The following LRRC1 variants were observed in gnomAD, a reference collection of about 807,000 sequenced individuals.
LRRC1 encodes the protein leucine rich repeat containing 1.
Under a neutral mutation model 69.9 loss-of-function variants are expected in LRRC1, and 28 were observed. The observed-to-expected ratio is 0.40, with a 90% CI of 0.30 to 0.55. The LOEUF is 0.55. Among genes scored for constraint, LRRC1 ranks in the 20% least tolerant of loss-of-function variants. The pLI is 0.47. For synonymous variants in LRRC1, 236 were observed against 240.2 expected, an observed-to-expected ratio of 0.98 and a Z score of 0.16; for missense variants, 498 against 609.0, an observed-to-expected ratio of 0.82 and a Z score of 1.92.
intron 1 of LRRC1, among the ~76,000 whole-genome samples, chr6:53,804,588 G>A (rs1351205619): frequency 2.0e-5 from 3 of 152,274 alleles, no homozygotes; most frequent in South Asian, 2.1e-4. Flanking sequence ...GCATTACTGC[G>A]AGTGCTATAG....
chr6:53,862,658 C>T (rs149913364), intron 2 of LRRC1, among the ~76,000 whole-genome samples: 1 of 152,270 alleles, frequency 6.6e-6, no homozygotes, highest in Non-Finnish European at 1.5e-5. Flanking sequence ...TCTTTCCTGC[C>T]TCCCCTTCTG....
intron 1 of LRRC1, among the ~76,000 whole-genome samples, chr6:53,832,103 G>C (rs1765443936): frequency 6.6e-6 from 1 of 152,082 alleles, no homozygotes; most frequent in Non-Finnish European, 1.5e-5. Flanking sequence ...ATGCCTCATA[G>C]GAATCTTTGA....
chr6:53,805,084 G>A (rs1764599620), intron 1 of LRRC1, among the ~76,000 whole-genome samples: 1 of 151,954 alleles, frequency 6.6e-6, no homozygotes. Context: ...TTTTCCGTAG[G>A]TCTGGAAAAG....
At position 53,882,898 on chromosome 6, in the gene LRRC1, G is replaced by T; in HGVS notation, c.368G>T (p.Ser123Ile). The T allele has an allele frequency of 6.2e-7, 1 of 1,606,850 alleles. No individual in the cohort carries two copies. ...TTGTTTGATTTTAGGTTGCCAGAAA[G>T]CTTTCCTGAATTACAGAATTTAACA... is the stretch of plus-strand genomic sequence containing the variant. Reference protein sequence around the residue: ...SGNPLTRLPESFPELQNLTCL... With the variant: ...SGNPLTRLPEIFPELQNLTCL... Residue 123 changes from serine (S) to isoleucine (I), a missense_variant, in exon 4 of 14, where the codon AGC becomes ATC. This residue lies in a region of LRRC1 where 266 missense variants were observed against 383.9 expected (regional missense o/e 0.69). Transcript: ENST00000370888.
chr6:53,920,616 T>G lies in LRRC1; in HGVS notation c.1280-9T>G. ...CAATTCCCTGCTTATGTGGTCTTTG[T>G]CACTGCAGAGAATCTGCCTCGCTGT... On this transcript the variant is annotated splice_polypyrimidine_tract_variant and intron_variant, in intron 12 of 13. Coordinates refer to ENST00000370888, the MANE Select transcript of LRRC1 (RefSeq NM_018214.5). The G allele has an allele frequency of 6.2e-7, 1 of 1,614,156 alleles. No individual in the cohort carries two copies. Among genetic ancestry groups the G allele is most frequent in the South Asian group, 1.1e-5 (1 of 91,082 alleles).
At chr6:53,897,007 G>C (rs1581907733) in intron 6 of LRRC1, 115 bp downstream of exon 6, 3 of 715,724 alleles carry the variant, frequency 4.2e-6, no homozygotes, top group East Asian at 2.6e-5. Context: ...ATGTAACTTG[G>C]GGACACTAGA....
At chr6:53,867,866 A>G (rs919486429) in intron 2 of LRRC1, among the ~76,000 whole-genome samples, 6 of 150,976 alleles carry the variant, frequency 4.0e-5, no homozygotes, top group African/African-American at 1.2e-4. Context: ...AGGTGGGAGG[A>G]TTATTGGAGC....
chr6:53,906,933 C>T (rs1167302223), intron 10 of LRRC1, among the ~76,000 whole-genome samples: 1 of 152,210 alleles, frequency 6.6e-6, no homozygotes, highest in Non-Finnish European at 1.5e-5. Flanking sequence ...ATGTGCTGAG[C>T]ACATGTCTCC....
chr6:53,872,429 T>A (rs1183503924), intron 2 of LRRC1, among the ~76,000 whole-genome samples: 1 of 152,222 alleles, frequency 6.6e-6, no homozygotes, highest in Non-Finnish European at 1.5e-5. Context: ...TCTATTTCAC[T>A]GGTCTATGTA....
Position 53,904,423 on chromosome 6 carries a change from G to A in LRRC1, c.951G>A (p.Leu317=), listed in dbSNP as rs572755445. ...SIGKLKKLSN[L]NADRNKLVSL... is the part of the protein sequence containing the mutation. ...GAAAACTAAAGAAGTTGAGCAACTT[G>A]AATGCAGACAGAAATAAATTAGTGT... Residue 317 remains leucine, a synonymous_variant, in exon 10 of 14, where the codon TTG becomes TTA. Coordinates refer to ENST00000370888, the MANE Select transcript of LRRC1 (RefSeq NM_018214.5). 1 of 1,612,210 alleles carries A rather than the reference G, an allele frequency of 6.2e-7. No individual in the cohort carries two copies. The highest frequency in any genetic ancestry group is 2.2e-5 in the East Asian group (1 of 44,776).
chr6:53,853,160 T>C (rs1262490416), intron 2 of LRRC1, among the ~76,000 whole-genome samples: 1 of 152,170 alleles, frequency 6.6e-6, no homozygotes, highest in Non-Finnish European at 1.5e-5. Context: ...GGCAGAGTCC[T>C]CCTGACTTAC....
intron 10 of LRRC1, among the ~76,000 whole-genome samples, chr6:53,911,920 T>C (rs1768424750): frequency 6.6e-6 from 1 of 152,208 alleles, no homozygotes; most frequent in Admixed American, 6.5e-5. Flanking sequence ...CTCAGCCATA[T>C]GGGAAATCCA....
intron 1 of LRRC1, among the ~76,000 whole-genome samples, chr6:53,841,793 A>C (rs565687564): frequency 6.6e-6 from 1 of 152,304 alleles, no homozygotes; most frequent in South Asian, 2.1e-4. Flanking sequence ...CAATTTTCAT[A>C]AGTCGATATT....
chr6:53,814,174 G>A (rs1764882425), intron 1 of LRRC1, among the ~76,000 whole-genome samples: 1 of 152,044 alleles, frequency 6.6e-6, no homozygotes, highest in South Asian at 2.1e-4. Context: ...GTAATGTGTA[G>A]GTCAAATATT....
chr6:53,867,644 ATTTATT>A (rs1187903987), intron 2 of LRRC1, among the ~76,000 whole-genome samples: 2 of 152,046 alleles, frequency 1.3e-5, no homozygotes, highest in African/African-American at 4.8e-5. Context: ...AGTATGATTA[ATTTATT>A]TTTATTTTTA....
intron 1 of LRRC1, among the ~76,000 whole-genome samples, chr6:53,826,061 A>G (rs1278960054): frequency 6.6e-6 from 1 of 151,348 alleles, no homozygotes; most frequent in Non-Finnish European, 1.5e-5. Flanking sequence ...CATTTTTCCC[A>G]TCTTTCTAGT....
chr6:53,835,230 T>C (rs1347653744), intron 1 of LRRC1, among the ~76,000 whole-genome samples: 1 of 152,218 alleles, frequency 6.6e-6, no homozygotes, highest in African/African-American at 2.4e-5. Flanking sequence ...CCTTTAGCCA[T>C]CGTTTTCCAT....
chr6:53,860,490 A>G (rs9395882), intron 2 of LRRC1, among the ~76,000 whole-genome samples: 56,901 of 151,920 alleles, frequency 0.37, 11,205 homozygotes, highest in East Asian at 0.69. Flanking sequence ...ATGTTTTTGA[A>G]TTCTTTTTAG....
chr6:53,908,951 T>G lies in LRRC1; in HGVS notation c.990+4489T>G, dbSNP rs537492698. Among the ~76,000 whole-genome samples the G allele has an allele frequency of 7.2e-4, 109 of 152,226 alleles. 3 individuals are homozygous for G. The South Asian group carries it at 0.022, about 31-fold the overall frequency. On this transcript the variant is annotated intron_variant, in intron 10 of 13. Transcript: ENST00000370888. ...AAATTTTGGCAAGGGTGGAGGGAAA[T>G]ATATATTATCATGTAAATATAAATT...
Sources: allele counts gnomAD v4.1 joint callset (sites outside exome capture counted in the v4.1 genomes callset), GRCh38; gene constraint gnomAD v4.1.1; regional missense constraint gnomAD v4.1.1; transcripts MANE v1.5; gene names NCBI Gene and HGNC (gene_info 2026-07-23, HGNC 2026-07-21).